B3GAT2: variants seen among roughly 807,000 people sequenced by gnomAD.
The protein encoded by B3GAT2 is galactosylgalactosylxylosylprotein 3-beta-glucuronosyltransferase 2.
A neutral mutation model predicts 27.8 loss-of-function variants in B3GAT2; 26 were observed. The ratio of observed to expected loss-of-function variants is 0.93; its 90% CI spans 0.68 to 1.30. B3GAT2 has a LOEUF of 1.30. B3GAT2 is among the 50% of genes most tolerant of loss of function. The pLI is 0.00. For synonymous variants in B3GAT2, 218 were observed against 195.1 expected, an observed-to-expected ratio of 1.12 and a Z score of -0.98; for missense variants, 458 against 459.0, an observed-to-expected ratio of 1.00 and a Z score of 0.02.
In B3GAT2 at chr6:70,861,688, A is replaced by G. The variant is rs1359336954; in HGVS notation, c.947T>C (p.Leu316Pro). The change falls in exon 4 of 4, where the codon CTG (leucine) becomes CCG (proline). Residue 316 changes from leucine (L) to proline (P), a missense_variant. Coordinates refer to ENST00000230053, the MANE Select transcript of B3GAT2 (RefSeq NM_080742.3). ...VNLANEPKYH[L>P]DTVKIEV ...TTATACCTCAATTTTCACTGTGTCC[A>G]GGTGGTACTTTGGCTCGTTGGCTAG... 4 of 1,614,112 alleles carry G rather than the reference A, an allele frequency of 2.5e-6. No homozygotes were observed. The South Asian group carries it at 3.3e-5, about 13-fold the overall frequency.
Position 70,947,517 on chromosome 6 carries a change from G to A in B3GAT2, c.591+8322C>T, listed in dbSNP as rs369033585. ...AAATTCCTCGACACATACACCCTCCGAAGACTAAACCAGGAAGAAGTTGAA... is the reference window on the plus strand; with the variant it reads ...AAATTCCTCGACACATACACCCTCCAAAGACTAAACCAGGAAGAAGTTGAA... On this transcript the variant is annotated intron_variant, in intron 1 of 3. Transcript: ENST00000230053. Among the ~76,000 whole-genome samples, 6 of 151,792 alleles carry A rather than the reference G, an allele frequency of 4.0e-5. No individual in the cohort carries two copies. The South Asian group carries it at 1.0e-3, about 26-fold the overall frequency.
chr6:70,886,247 A>G (rs539299025), intron 2 of B3GAT2, among the ~76,000 whole-genome samples: 1 of 152,124 alleles, frequency 6.6e-6, no homozygotes, highest in Non-Finnish European at 1.5e-5. Context: ...CAGACAACTC[A>G]CTTAGCATAC....
chr6:70,877,888 T>C (rs1020895350), intron 2 of B3GAT2, among the ~76,000 whole-genome samples: 3 of 152,234 alleles, frequency 2.0e-5, no homozygotes, highest in African/African-American at 7.2e-5. Context: ...AGGGAGAGAC[T>C]GGCCAGGGAC....
intron 2 of B3GAT2, among the ~76,000 whole-genome samples, chr6:70,893,740 T>C (rs988522306): frequency 2.6e-5 from 4 of 152,154 alleles, no homozygotes; most frequent in African/African-American, 7.2e-5. Context: ...AAACATGATA[T>C]ATTTTAATAT....
intron 2 of B3GAT2, among the ~76,000 whole-genome samples, chr6:70,884,658 A>G (rs1218934456): frequency 1.3e-5 from 2 of 152,192 alleles, no homozygotes; most frequent in African/African-American, 4.8e-5. Context: ...TTCCCAGAAA[A>G]AGCGATTCCT....
In B3GAT2 at chr6:70,881,894, T is replaced by A. The variant is rs537811239; in HGVS notation, c.736+12234A>T. Among the ~76,000 whole-genome samples, 3 of 152,294 alleles carry A rather than the reference T, an allele frequency of 2.0e-5. No individual in the cohort carries two copies. In the South Asian group the frequency reaches 6.2e-4, roughly 32 times the overall value. On this transcript the variant is annotated intron_variant, in intron 2 of 3. Transcript: ENST00000230053. ...TAGCCTCACATTTCTCCCAGAAGCTTCATTGTACATGTCCTTTTCTGTTTT... is the reference window on the plus strand; with the variant it reads ...TAGCCTCACATTTCTCCCAGAAGCTACATTGTACATGTCCTTTTCTGTTTT...
At chr6:70,887,147 C>T (rs1041905139) in intron 2 of B3GAT2, among the ~76,000 whole-genome samples, 8 of 152,170 alleles carry the variant, frequency 5.3e-5, no homozygotes, top group African/African-American at 1.9e-4. Context: ...CATTTTCTTG[C>T]AGTATTTATA....
intron 1 of B3GAT2, among the ~76,000 whole-genome samples, chr6:70,936,692 T>C (rs1765286175): frequency 6.6e-6 from 1 of 152,038 alleles, no homozygotes; most frequent in Admixed American, 6.6e-5. Context: ...ATAAAGATGT[T>C]CTTTGAAACC....
Position 70,860,176 on chromosome 6 carries a change from C to A in B3GAT2, c.*1487G>T. ...TTAAAAGTGAAGTAAGCCTCTTGAA[C>A]TAAGCCTTTTATATGTTTCACAGAT... On this transcript the variant is annotated 3_prime_UTR_variant, in exon 4 of 4. Transcript: ENST00000230053. 6.3e-7 allele frequency: 1 copy of A among 1,586,116 alleles called. No individual in the cohort carries two copies. Among genetic ancestry groups the A allele is most frequent in the South Asian group, 1.2e-5 (1 of 86,028 alleles).
chr6:70,952,163 T>C (rs10945273), intron 1 of B3GAT2, among the ~76,000 whole-genome samples: 19,178 of 152,106 alleles, frequency 0.13, 2,265 homozygotes, highest in African/African-American at 0.31. Flanking sequence ...AATAGCTGAA[T>C]AGCACCCAAC....
intron 2 of B3GAT2, among the ~76,000 whole-genome samples, chr6:70,890,195 C>G (rs1772264206): frequency 6.6e-6 from 1 of 152,156 alleles, no homozygotes; most frequent in South Asian, 2.1e-4. Flanking sequence ...TCCACCCCTT[C>G]TCTCCAGTGA....
chr6:70,874,486 G>C (rs1452817446), intron 2 of B3GAT2, among the ~76,000 whole-genome samples: 2 of 152,212 alleles, frequency 1.3e-5, no homozygotes, highest in Non-Finnish European at 2.9e-5. Context: ...ACAGTACTAA[G>C]AGGGGGAAGA....
chr6:70,937,957 C>G (rs1765323482), intron 1 of B3GAT2, among the ~76,000 whole-genome samples: 1 of 151,284 alleles, frequency 6.6e-6, no homozygotes, highest in Non-Finnish European at 1.5e-5. Context: ...AAGAGGGAGT[C>G]AAATTGTCCC....
At position 70,940,322 on chromosome 6, in the gene B3GAT2, C is replaced by T. The variant is rs573597105; in HGVS notation, c.591+15517G>A. On this transcript the variant is annotated intron_variant, in intron 1 of 3. Coordinates refer to ENST00000230053, the MANE Select transcript of B3GAT2 (RefSeq NM_080742.3). ...CCAAAAAAGCATCAGGCACTTGAAG[C>T]CCAGCAAGGGGCTCAGTGTCCCCAG... Among the ~76,000 whole-genome samples, 15 of 152,216 alleles carry T rather than the reference C, an allele frequency of 9.9e-5. 1 individual carries two copies. The East Asian group carries it at 2.7e-3, about 27-fold the overall frequency.
intron 1 of B3GAT2, among the ~76,000 whole-genome samples, chr6:70,934,126 C>G (rs942788137): frequency 2.0e-5 from 3 of 152,182 alleles, no homozygotes; most frequent in African/African-American, 7.2e-5. Flanking sequence ...GCCTAGAGGC[C>G]CCATCTTCCA....
At chr6:70,890,875 C>T (rs138866126) in intron 2 of B3GAT2, among the ~76,000 whole-genome samples, 6 of 152,370 alleles carry the variant, frequency 3.9e-5, no homozygotes, top group Admixed American at 6.5e-5. Flanking sequence ...CCGTGTCCCA[C>T]GGGCCACATC....
chr6:70,926,624 G>A (rs1772964770), intron 1 of B3GAT2, among the ~76,000 whole-genome samples: 1 of 152,162 alleles, frequency 6.6e-6, no homozygotes, highest in Non-Finnish European at 1.5e-5. Context: ...GAAGTTTAGA[G>A]ACAAAAGAGT....
intron 2 of B3GAT2, among the ~76,000 whole-genome samples, chr6:70,865,442 T>C (rs1004578496): frequency 2.0e-5 from 3 of 152,186 alleles, no homozygotes; most frequent in Non-Finnish European, 4.4e-5. Context: ...TTTAAAGCTA[T>C]ATAGTATAAC....
At chr6:70,933,313 C>A (rs1293862392) in intron 1 of B3GAT2, among the ~76,000 whole-genome samples, 1 of 151,924 alleles carries the variant, frequency 6.6e-6, no homozygotes, top group Non-Finnish European at 1.5e-5. Flanking sequence ...ATAAAAACCC[C>A]AAAACCTGTC....
Sources: gnomAD v4.1 joint callset for allele counts (sites outside exome capture counted in the v4.1 genomes callset) on GRCh38, gnomAD v4.1.1 for gene constraint, MANE v1.5 for transcripts, NCBI Gene and HGNC (gene_info 2026-07-23, HGNC 2026-07-21) for gene names.